The following FGF13 variants were observed in gnomAD, a reference collection of about 807,000 sequenced individuals.
The protein encoded by FGF13 is fibroblast growth factor homologous factor 2.
A neutral mutation model predicts 19.5 loss-of-function variants in FGF13; 2 were observed. The observed-to-expected ratio is 0.10, with a 90% CI of 0.04 to 0.32. The LOEUF (loss-of-function observed/expected upper bound fraction) is 0.32. Among genes scored for constraint, FGF13 ranks in the 10% least tolerant of loss-of-function variants. FGF13 has a pLI of 1.00. For missense variants in FGF13, 113 were observed against 192.7 expected (o/e 0.59, Z 2.45); for synonymous variants, 72 against 76.9 (o/e 0.94, Z 0.33).
chrX:138,736,347 C>A (rs1294502970), intron 1 of FGF13, among the ~76,000 whole-genome samples: 1 of 112,209 alleles, frequency 8.9e-6, no homozygotes, highest in African/African-American at 3.2e-5. Context: ...GTCATTTATG[C>A]TTTGTTTTAT....
intron 1 of FGF13, among the ~76,000 whole-genome samples, chrX:139,011,575 T>G (rs1339467328): frequency 9.0e-6 from 1 of 110,726 alleles, no homozygotes; most frequent in Admixed American, 9.6e-5. Flanking sequence ...TAAACAGAAT[T>G]TAAAACAAAA....
At chrX:139,081,239 T>C (rs2083368466) in intron 1 of FGF13, among the ~76,000 whole-genome samples, 1 of 111,378 alleles carries the variant, frequency 9.0e-6, no homozygotes, top group Admixed American at 9.6e-5. Flanking sequence ...CTTTATATTG[T>C]ACAACTCTCT....
At chrX:138,948,166 C>T (rs1364155394) in intron 1 of FGF13, among the ~76,000 whole-genome samples, 9 of 111,735 alleles carry the variant, frequency 8.1e-5, no homozygotes, top group African/African-American at 2.6e-4. Flanking sequence ...GTGTGTTGTG[C>T]TTACTACCTT....
intron 3 of FGF13, among the ~76,000 whole-genome samples, chrX:138,810,722 T>C (rs1270972694): frequency 8.9e-6 from 1 of 111,884 alleles, no homozygotes; most frequent in Middle Eastern, 4.2e-3. Context: ...ATCCAGAATC[T>C]ACAAAGAACT....
chrX:138,988,072 T>C (rs1458301066), intron 1 of FGF13, among the ~76,000 whole-genome samples: 1 of 112,202 alleles, frequency 8.9e-6, no homozygotes, highest in Non-Finnish European at 1.9e-5. Context: ...AGAATCATTT[T>C]CCACCTAACT....
At chrX:138,807,510 C>T (rs1207971463) in intron 3 of FGF13, among the ~76,000 whole-genome samples, 1 of 111,841 alleles carries the variant, frequency 8.9e-6, no homozygotes, top group African/African-American at 3.3e-5. Flanking sequence ...TAAAGACTAT[C>T]GATGCTAGGA....
At chrX:139,064,222 T>G (rs180848809) in intron 1 of FGF13, among the ~76,000 whole-genome samples, 47 of 109,718 alleles carry the variant, frequency 4.3e-4, no homozygotes, top group African/African-American at 1.3e-3. Context: ...AACATTTCTC[T>G]GTCATTATGT....
intron 1 of FGF13, among the ~76,000 whole-genome samples, chrX:138,930,999 G>A (rs904535396): frequency 5.3e-5 from 6 of 112,493 alleles, no homozygotes; most frequent in Non-Finnish European, 1.1e-4. Context: ...ATACAGCTCT[G>A]AAATCAATTC....
At chrX:138,946,565 G>A (rs1569427984) in intron 1 of FGF13, among the ~76,000 whole-genome samples, 1 of 111,944 alleles carries the variant, frequency 8.9e-6, no homozygotes, top group Non-Finnish European at 1.9e-5. Flanking sequence ...CATATGGAAA[G>A]TGGATATAAC....
intron 3 of FGF13, among the ~76,000 whole-genome samples, chrX:138,805,345 A>G (rs1271537325): frequency 8.9e-6 from 1 of 112,234 alleles, no homozygotes; most frequent in Non-Finnish European, 1.9e-5. Context: ...TTGGCAGATT[A>G]ACCTTGAAAT....
At chrX:139,142,305 A>T (rs1476757811) in intron 1 of FGF13, among the ~76,000 whole-genome samples, 1 of 112,007 alleles carries the variant, frequency 8.9e-6, no homozygotes, top group African/African-American at 3.2e-5. Flanking sequence ...CACAGGTTCT[A>T]TAGGTAAAAA....
intron 1 of FGF13, among the ~76,000 whole-genome samples, chrX:138,999,079 A>G (rs1293553766): frequency 4.5e-5 from 5 of 112,257 alleles, no homozygotes; most frequent in African/African-American, 6.5e-5. Flanking sequence ...CTGCTCCTGA[A>G]TGACTACTGG....
At chrX:138,873,813 C>T (rs1438537670) in intron 1 of FGF13, among the ~76,000 whole-genome samples, 2 of 110,734 alleles carry the variant, frequency 1.8e-5, no homozygotes, top group Non-Finnish European at 3.8e-5. Context: ...CCATGGAATA[C>T]TATGTAGCCA....
intron 1 of FGF13, among the ~76,000 whole-genome samples, chrX:138,935,282 C>T (rs182838189): frequency 3.6e-5 from 4 of 110,706 alleles, no homozygotes; most frequent in East Asian, 2.9e-4. Flanking sequence ...TTGAGGATTG[C>T]GGGCCACAGT....
intron 1 of FGF13, among the ~76,000 whole-genome samples, chrX:139,166,048 A>C (rs759914176): frequency 1.4e-4 from 15 of 110,913 alleles, no homozygotes; most frequent in Non-Finnish European, 2.1e-4. Context: ...ATGAGCTAAG[A>C]CTCTGGAGGA....
intron 1 of FGF13, among the ~76,000 whole-genome samples, chrX:138,927,634 C>A (rs993387808): frequency 2.7e-5 from 3 of 112,188 alleles, no homozygotes; most frequent in African/African-American, 9.7e-5. Context: ...TTACCACCTT[C>A]TCCTTTGACT....
intron 1 of FGF13, among the ~76,000 whole-genome samples, chrX:139,003,837 A>G (rs1230616503): frequency 1.8e-5 from 2 of 108,700 alleles, no homozygotes; most frequent in African/African-American, 3.4e-5. Flanking sequence ...TAGATACAGA[A>G]TGTCGATTGG....
At chrX:138,688,336 G>A (rs966617148) in intron 3 of FGF13, among the ~76,000 whole-genome samples, 6 of 110,457 alleles carry the variant, frequency 5.4e-5, no homozygotes, top group Admixed American at 9.7e-5. Flanking sequence ...GGTGGGAGGG[G>A]GAATGCAGCA....
At chrX:138,984,523 GGAAGAAGAAGAA>G (rs1209275314) in intron 1 of FGF13, among the ~76,000 whole-genome samples, 7 of 31,583 alleles carry the variant, frequency 2.2e-4, no homozygotes, top group East Asian at 2.7e-3. Context: ...AAGAAGAAGA[GGAAGAAGAAGAA>G]GAAGAAGAAG....
Sources: gnomAD v4.1 joint callset for allele counts (sites outside exome capture counted in the v4.1 genomes callset) on GRCh38, gnomAD v4.1.1 for gene constraint, MANE v1.5 for transcripts, NCBI Gene and HGNC (gene_info 2026-07-23, HGNC 2026-07-21) for gene names.